Variants in ATP10B observed in about 807,000 individuals in gnomAD.
The protein encoded by ATP10B is ATPase phospholipid transporting 10B (putative), also known as phospholipid-transporting ATPase VB.
In ATP10B, 122 loss-of-function variants were observed where a neutral mutation model predicts 141.2. The observed-to-expected ratio is 0.86, with a 90% CI of 0.75 to 1.00. The LOEUF (loss-of-function observed/expected upper bound fraction) is 1.00. Among genes scored for constraint, ATP10B ranks in the 50% least tolerant of loss-of-function variants. The probability of loss-of-function intolerance (pLI) is 0.00; values close to 1 mark genes in which losing one functional copy is unlikely to be tolerated. For synonymous variants in ATP10B, 685 were observed against 692.0 expected, an observed-to-expected ratio of 0.99 and a Z score of 0.16; for missense variants, 1,876 against 1,825.3, an observed-to-expected ratio of 1.03 and a Z score of -0.51.
In ATP10B at chr5:160,825,067, C is replaced by T. The variant is rs114288814; in HGVS notation, c.-576+26874G>A. The stretch of plus-strand genomic sequence containing the variant: ...CACCTTTTTGTTTATGTCACTATTA[C>T]ATCCCTTAATGGATTGTGTGATTAT... On this transcript the variant is annotated intron_variant, in intron 1 of 25. Transcript: ENST00000327245. Among the ~76,000 whole-genome samples, 287 of 152,302 alleles carry T rather than the reference C, an allele frequency of 1.9e-3. 1 individual carries two copies. Among genetic ancestry groups the T allele is most frequent in the Non-Finnish European group, 2.8e-3 (188 of 68,030 alleles).
Position 160,611,592 on chromosome 5 carries a change from G to A in ATP10B, c.2838+1149C>T, listed in dbSNP as rs117348814. Among the ~76,000 whole-genome samples, 1,451 of 150,890 alleles carry A rather than the reference G, an allele frequency of 9.6e-3. 25 individuals are homozygous for A. The highest frequency in any genetic ancestry group is 0.031 in the African/African-American group (1,267 of 41,060). Reference sequence around the variant, plus strand: ...AATGATTTTTCCAATTCATCTAAAGGTCCTCTGGCATTTTTCATAATCTAC... The same window carrying A: ...AATGATTTTTCCAATTCATCTAAAGATCCTCTGGCATTTTTCATAATCTAC... On this transcript the variant is annotated intron_variant, in intron 18 of 25. Coordinates refer to ENST00000327245, the MANE Select transcript of ATP10B (RefSeq NM_025153.3).
chr5:160,855,019 A>G (rs1310312697), upstream of ATP10B, among the ~76,000 whole-genome samples: 3 of 152,172 alleles, frequency 2.0e-5, no homozygotes, highest in African/African-American at 7.2e-5. Flanking sequence ...AGTTATTTCC[A>G]GCTCTGTTAT....
chr5:160,913,700 G>A, the ATP10B span, among the ~76,000 whole-genome samples: 1 of 152,092 alleles, frequency 6.6e-6, no homozygotes, highest in Non-Finnish European at 1.5e-5. Context: ...TCTCCTTTAT[G>A]TATTCTTTAT....
At chr5:160,673,619 T>C (rs998647931) in intron 6 of ATP10B, among the ~76,000 whole-genome samples, 3 of 152,102 alleles carry the variant, frequency 2.0e-5, no homozygotes, top group Admixed American at 6.6e-5. Flanking sequence ...ATAGGGGCAG[T>C]CACCCCAGAT....
chr5:160,622,327 G>T, intron 14 of ATP10B, 67 bp downstream of exon 14: 1 of 1,463,762 alleles, frequency 6.8e-7, no homozygotes, highest in Non-Finnish European at 9.2e-7. Flanking sequence ...TTCTCCCCTC[G>T]CCCCTACCCT....
chr5:160,827,713 C>G (rs138609142), intron 1 of ATP10B, among the ~76,000 whole-genome samples: 1 of 152,076 alleles, frequency 6.6e-6, no homozygotes, highest in Non-Finnish European at 1.5e-5. Context: ...CTTGAGGTCT[C>G]AAATTTAAAT....
chr5:160,663,430 A>C, intron 7 of ATP10B, among the ~76,000 whole-genome samples: 1 of 152,166 alleles, frequency 6.6e-6, no homozygotes, highest in East Asian at 1.9e-4. Context: ...AAAATGTGGC[A>C]CATATACACC....
chr5:160,802,603 T>C (rs4147468), intron 1 of ATP10B, among the ~76,000 whole-genome samples: 72,663 of 152,058 alleles, frequency 0.48, 17,397 homozygotes, highest in East Asian at 0.6. Flanking sequence ...CTTAGACAAG[T>C]TCAAAATGCA....
At chr5:160,721,858 A>G (rs1440861623) in intron 2 of ATP10B, among the ~76,000 whole-genome samples, 1 of 152,078 alleles carries the variant, frequency 6.6e-6, no homozygotes, top group African/African-American at 2.4e-5. Context: ...TTAAGAAACA[A>G]CTCCAAAGCT....
chr5:160,802,453 C>T (rs182081783), intron 1 of ATP10B, among the ~76,000 whole-genome samples: 211 of 152,276 alleles, frequency 1.4e-3, no homozygotes, highest in African/African-American at 4.9e-3. Flanking sequence ...TTTTGGTTGT[C>T]GCACCTGGGG....
At chr5:160,581,991 A>G (rs909951632) in intron 24 of ATP10B, among the ~76,000 whole-genome samples, 1 of 151,010 alleles carries the variant, frequency 6.6e-6, no homozygotes, top group African/African-American at 2.4e-5. Flanking sequence ...TTTGTTTTCC[A>G]TTTGCTTGGT....
chr5:160,808,056 G>C (rs930246083), intron 1 of ATP10B, among the ~76,000 whole-genome samples: 1 of 152,158 alleles, frequency 6.6e-6, no homozygotes. Context: ...ACAGACGGGA[G>C]AGAGTTCTAA....
intron 5 of ATP10B, chr5:160,687,157 A>G (rs192917924): frequency 1.3e-5 from 2 of 153,956 alleles, no homozygotes; most frequent in Admixed American, 1.3e-4. Context: ...TAATAGCACC[A>G]TATACCTCTC....
Position 160,612,938 on chromosome 5 carries a change from A to G in ATP10B, c.2654-13T>C. ...ATCCCAGTGGCTCCTGGAGTGATGA[A>G]AAACAACAGAGTTCACATTTATCGT... is the stretch of plus-strand genomic sequence containing the variant. On this transcript the variant is annotated splice_polypyrimidine_tract_variant and intron_variant, in intron 17 of 25. Coordinates refer to ENST00000327245, the MANE Select transcript of ATP10B (RefSeq NM_025153.3). The G allele has an allele frequency of 6.2e-7, 1 of 1,605,180 alleles. No individual in the cohort carries two copies.
At chr5:160,721,716 T>C (rs1307601103) in intron 2 of ATP10B, among the ~76,000 whole-genome samples, 1 of 152,200 alleles carries the variant, frequency 6.6e-6, no homozygotes, top group Non-Finnish European at 1.5e-5. Flanking sequence ...ACAGAACAGA[T>C]GGCTAAAAAG....
chr5:160,590,460 A>G (rs1009516517), intron 23 of ATP10B, among the ~76,000 whole-genome samples: 6 of 152,318 alleles, frequency 3.9e-5, no homozygotes, highest in East Asian at 3.9e-4. Flanking sequence ...CCGTGTGTCC[A>G]GGAAGAAGAC....
chr5:160,685,125 C>T (rs1391466099), intron 6 of ATP10B: 1 of 701,824 alleles, frequency 1.4e-6, no homozygotes, highest in Non-Finnish European at 2.6e-6. Flanking sequence ...TGTTGGGGTT[C>T]TCTTTGTGAG....
chr5:160,727,308 C>CAGTA (rs928385719), intron 2 of ATP10B, among the ~76,000 whole-genome samples: 2 of 152,228 alleles, frequency 1.3e-5, no homozygotes, highest in Non-Finnish European at 2.9e-5. Context: ...CTGAGGCTTA[C>CAGTA]AGGCATAAGT....
chr5:160,709,686 G>T (rs1436659221), intron 3 of ATP10B, among the ~76,000 whole-genome samples: 98 of 133,436 alleles, frequency 7.3e-4, no homozygotes, highest in African/African-American at 2.7e-3. Context: ...GTATACATGT[G>T]CCATGCTGGT....
Sources: gnomAD v4.1 joint callset for allele counts (sites outside exome capture counted in the v4.1 genomes callset) on GRCh38, gnomAD v4.1.1 for gene constraint, MANE v1.5 for transcripts, NCBI Gene and HGNC (gene_info 2026-07-23, HGNC 2026-07-21) for gene names.